The following ZNF423 variants were observed in gnomAD, a reference collection of about 807,000 sequenced individuals.
ZNF423 encodes Ebf-associated zinc finger protein.
In ZNF423, 12 loss-of-function variants were observed where a neutral mutation model predicts 95.8. The observed-to-expected ratio is 0.13, with a 90% CI of 0.08 to 0.20. The LOEUF (loss-of-function observed/expected upper bound fraction) is 0.20. Ranked by LOEUF, ZNF423 falls within the 10% of genes least tolerant of loss-of-function variation. The probability of loss-of-function intolerance (pLI) is 1.00; values close to 1 mark genes in which losing one functional copy is unlikely to be tolerated. For missense variants in ZNF423, 1,316 were observed against 1,737.1 expected (o/e 0.76, Z 4.31); for synonymous variants, 749 against 711.9 (o/e 1.05, Z -0.83).
chr16:49,589,841 G>C (rs1482619962), intron 5 of ZNF423, among the ~76,000 whole-genome samples: 2 of 151,818 alleles, frequency 1.3e-5, no homozygotes, highest in Non-Finnish European at 1.5e-5. Flanking sequence ...CATTATTAAC[G>C]GCACATTCCT....
chr16:49,733,778 G>A (rs181007722), intron 2 of ZNF423, among the ~76,000 whole-genome samples: 84 of 152,222 alleles, frequency 5.5e-4, no homozygotes, highest in African/African-American at 1.9e-3. Context: ...TGGGGAGTGG[G>A]ACTTCCCTGA....
intron 2 of ZNF423, among the ~76,000 whole-genome samples, chr16:49,786,687 C>T (rs4785193): frequency 0.23 from 34,565 of 152,178 alleles, 3,977 homozygotes; most frequent in Non-Finnish European, 0.24. Flanking sequence ...CAGGCTCTGG[C>T]TTCTGGAGGA....
chr16:49,826,365 T>C (rs1311829755), intron 1 of ZNF423, among the ~76,000 whole-genome samples: 1 of 152,180 alleles, frequency 6.6e-6, no homozygotes, highest in African/African-American at 2.4e-5. Context: ...GCTCTCAACA[T>C]GGCCAGGGCA....
intron 1 of ZNF423, among the ~76,000 whole-genome samples, chr16:49,821,700 C>T (rs564865452): frequency 7.8e-4 from 119 of 152,326 alleles, no homozygotes; most frequent in Non-Finnish European, 1.3e-3. Flanking sequence ...CTGGCAGCCC[C>T]CTCCTCTGCC....
chr16:49,658,513 G>A (rs932748418), intron 3 of ZNF423, among the ~76,000 whole-genome samples: 2 of 152,208 alleles, frequency 1.3e-5, no homozygotes, highest in Non-Finnish European at 2.9e-5. Flanking sequence ...AGTAATTGTC[G>A]TCGTGGACTT....
chr16:49,709,520 T>A (rs2032477006), intron 3 of ZNF423, among the ~76,000 whole-genome samples: 1 of 151,976 alleles, frequency 6.6e-6, no homozygotes, highest in Non-Finnish European at 1.5e-5. Context: ...AAGGGGTGCA[T>A]CTAGTTCAGC....
intron 5 of ZNF423, among the ~76,000 whole-genome samples, chr16:49,579,560 G>C (rs1257916787): frequency 6.6e-6 from 1 of 152,144 alleles, no homozygotes; most frequent in Admixed American, 6.5e-5. Context: ...CTGTTGTTGG[G>C]CTTGTGGGGA....
intron 7 of ZNF423, 27 bp downstream of exon 7, chr16:49,523,597 C>G: frequency 6.3e-7 from 1 of 1,586,650 alleles, no homozygotes; most frequent in Non-Finnish European, 8.7e-7. Flanking sequence ...CATCAGGCGG[C>G]GTGGTGCAGC....
chr16:49,840,791 C>T (rs1403546239), intron 1 of ZNF423, among the ~76,000 whole-genome samples: 2 of 152,036 alleles, frequency 1.3e-5, no homozygotes, highest in Admixed American at 1.3e-4. Flanking sequence ...GACTCAGACA[C>T]ACGCACAGTC....
intron 3 of ZNF423, among the ~76,000 whole-genome samples, chr16:49,677,287 A>AGAAGAGAAGAGAAGGGAAGG (rs2031122747): frequency 2.4e-5 from 2 of 82,412 alleles, no homozygotes; most frequent in Non-Finnish European, 5.0e-5. Context: ...AGAAGAGAAG[A>AGAAGAGAAGAGAAGGGAAGG]GAAGAGAAGA....
chr16:49,686,867 C>G (rs994182664), intron 3 of ZNF423, among the ~76,000 whole-genome samples: 4 of 152,182 alleles, frequency 2.6e-5, no homozygotes, highest in South Asian at 4.1e-4. Context: ...AGGCAGAACC[C>G]CCATCATCAT....
intron 1 of ZNF423, among the ~76,000 whole-genome samples, chr16:49,851,731 A>G (rs2035304228): frequency 6.6e-6 from 1 of 152,202 alleles, no homozygotes; most frequent in African/African-American, 2.4e-5. Context: ...GTTTAGCAGG[A>G]TTCCCCTGCC....
chr16:49,521,294 A>G (rs1369555915), intron 7 of ZNF423, among the ~76,000 whole-genome samples: 1 of 152,206 alleles, frequency 6.6e-6, no homozygotes, highest in Non-Finnish European at 1.5e-5. Flanking sequence ...AAGTGTAAAT[A>G]AATCGTAGTT....
chr16:49,747,425 A>G (rs2033548854), intron 2 of ZNF423, among the ~76,000 whole-genome samples: 1 of 152,200 alleles, frequency 6.6e-6, no homozygotes, highest in African/African-American at 2.4e-5. Flanking sequence ...AATACCATTT[A>G]TATGTATTTC....
chr16:49,709,198 G>A (rs567399990), intron 3 of ZNF423, among the ~76,000 whole-genome samples: 23 of 102,856 alleles, frequency 2.2e-4, no homozygotes, highest in Admixed American at 9.3e-4. Flanking sequence ...ACGGAGCTTC[G>A]GAGCCCTGGG....
intron 1 of ZNF423, among the ~76,000 whole-genome samples, chr16:49,800,575 GAC>G (rs71138006): frequency 0.43 from 63,678 of 149,450 alleles, 13,295 homozygotes; most frequent in Middle Eastern, 0.45. Context: ...ACCTGGACAT[GAC>G]ACACACACAC....
intron 1 of ZNF423, among the ~76,000 whole-genome samples, chr16:49,798,958 C>G (rs900767644): frequency 1.3e-5 from 2 of 152,316 alleles, no homozygotes; most frequent in Admixed American, 1.3e-4. Context: ...GTAAATTCAT[C>G]TGTCCTTACA....
chr16:49,636,773 C>G lies in ZNF423; in HGVS notation c.2403G>C (p.Glu801Asp). 6.2e-7 allele frequency: 1 copy of G among 1,614,094 alleles called. No homozygotes were observed. Among genetic ancestry groups the G allele is most frequent in the Non-Finnish European group, 8.5e-7 (1 of 1,179,986 alleles). ...TGGTGATGTGGCACTGCAGCTCCAC[C>G]TCGGTGCTGAAGGTCTCCCCACAGA... ...CIFCGETFST[E>D]VELQCHITTH... Residue 801 changes from glutamate (E) to aspartate (D), a missense_variant, in exon 4 of 8, where the codon GAG becomes GAC. Glu to Asp is a conservative substitution (Grantham distance 45, BLOSUM62 2). This residue lies in a region of ZNF423 where 620 missense variants were observed against 775.6 expected (regional missense o/e 0.80). Transcript: ENST00000563137. This position sits in a 1 kb window ranked among gnomAD's most constrained non-coding sequence, Gnocchi z 8.6.
chr16:49,603,400 T>C lies in ZNF423; in HGVS notation c.3601+22770A>G, dbSNP rs956866033. Among the ~76,000 whole-genome samples the C allele has an allele frequency of 6.6e-6, 1 of 152,058 alleles. No individual in the cohort carries two copies. The highest frequency in any genetic ancestry group is 2.4e-5 in the African/African-American group (1 of 41,350). On this transcript the variant is annotated intron_variant, in intron 5 of 7. Coordinates refer to ENST00000563137, the MANE Select transcript of ZNF423 (RefSeq NM_001379286.1). The surrounding 1 kb of genome is among the most constrained non-coding windows in gnomAD (Gnocchi z 4.1). ...CCCAGCATATGGTTTTATACCCTAC[T>C]GTCACTGTCTAGATTTTTTTTTTCT...
Sources: allele counts gnomAD v4.1 joint callset (sites outside exome capture counted in the v4.1 genomes callset), GRCh38; gene constraint gnomAD v4.1.1; regional missense constraint gnomAD v4.1.1; non-coding constraint Gnocchi (gnomAD v3.1); transcripts MANE v1.5; gene names NCBI Gene and HGNC (gene_info 2026-07-23, HGNC 2026-07-21).